Variants in CDK14 observed in about 807,000 individuals in gnomAD.
The protein encoded by CDK14 is cyclin-dependent kinase 14.
In CDK14, 34 loss-of-function variants were observed where a neutral mutation model predicts 60.7. The observed-to-expected ratio is 0.56, with a 90% CI of 0.43 to 0.75. The LOEUF is 0.75. Among genes scored for constraint, CDK14 ranks in the 30% least tolerant of loss-of-function variants. CDK14 has a pLI of 0.00. For missense variants in CDK14, 482 were observed against 564.1 expected, an observed-to-expected ratio of 0.85 and a Z score of 1.47; for synonymous variants, 197 against 203.7, an observed-to-expected ratio of 0.97 and a Z score of 0.28.
intron 4 of CDK14, among the ~76,000 whole-genome samples, chr7:90,755,709 A>G (rs976372703): frequency 5.9e-5 from 9 of 152,238 alleles, no homozygotes; most frequent in Non-Finnish European, 1.3e-4. Context: ...AGGACTGTTA[A>G]TAACCATATT....
At chr7:91,004,466 G>T (rs942653291) in intron 10 of CDK14, among the ~76,000 whole-genome samples, 4 of 152,218 alleles carry the variant, frequency 2.6e-5, no homozygotes, top group African/African-American at 7.2e-5. Flanking sequence ...TGGTATTGGT[G>T]AGGGGCATTT....
intron 4 of CDK14, among the ~76,000 whole-genome samples, chr7:90,770,774 T>A (rs571553373): frequency 6.6e-6 from 1 of 152,342 alleles, no homozygotes; most frequent in South Asian, 2.1e-4. Context: ...TTGACATGCC[T>A]ACAACTGATC....
chr7:91,023,028 G>A (rs146015888), intron 10 of CDK14, among the ~76,000 whole-genome samples: 12 of 145,318 alleles, frequency 8.3e-5, no homozygotes, highest in South Asian at 4.3e-4. Context: ...TTTTTTTTTC[G>A]TCTAATGAAA....
chr7:91,098,548 G>A (rs1008074955), intron 12 of CDK14, among the ~76,000 whole-genome samples: 2 of 151,092 alleles, frequency 1.3e-5, no homozygotes, highest in Admixed American at 1.3e-4. Flanking sequence ...AGAAATAAAG[G>A]CAAAAAGAGA....
intron 2 of CDK14, among the ~76,000 whole-genome samples, chr7:90,667,089 A>G (rs1231184736): frequency 2.0e-5 from 3 of 152,330 alleles, no homozygotes; most frequent in Non-Finnish European, 4.4e-5. Context: ...CATAATAGGT[A>G]TAAATAATTT....
At chr7:90,854,958 T>G (rs548543445) in intron 5 of CDK14, among the ~76,000 whole-genome samples, 1 of 152,298 alleles carries the variant, frequency 6.6e-6, no homozygotes, top group East Asian at 1.9e-4. Flanking sequence ...TGTTTGCATT[T>G]AAGAAGAGCC....
At chr7:91,104,953 A>G (rs552291099) in intron 12 of CDK14, among the ~76,000 whole-genome samples, 1 of 152,216 alleles carries the variant, frequency 6.6e-6, no homozygotes, top group Non-Finnish European at 1.5e-5. Flanking sequence ...AATTATAAGC[A>G]TAGATGATTT....
chr7:90,939,442 G>A (rs1793849571), intron 8 of CDK14, among the ~76,000 whole-genome samples: 1 of 152,180 alleles, frequency 6.6e-6, no homozygotes, highest in Non-Finnish European at 1.5e-5. Context: ...AATACAGCAT[G>A]TGTAAAGTTT....
At chr7:91,161,400 A>G (rs1801164731) in intron 14 of CDK14, among the ~76,000 whole-genome samples, 1 of 152,238 alleles carries the variant, frequency 6.6e-6, no homozygotes, top group Admixed American at 6.5e-5. Context: ...AATTCACAGT[A>G]TATCCTGAGA....
At chr7:91,012,479 C>T (rs1281870008) in intron 10 of CDK14, among the ~76,000 whole-genome samples, 1 of 152,140 alleles carries the variant, frequency 6.6e-6, no homozygotes, top group East Asian at 1.9e-4. Context: ...CTTAGCCTTC[C>T]TGGACTTCCA....
At chr7:91,123,634 T>C (rs1799851011) in intron 14 of CDK14, among the ~76,000 whole-genome samples, 1 of 152,052 alleles carries the variant, frequency 6.6e-6, no homozygotes, top group Non-Finnish European at 1.5e-5. Context: ...TTACCTTAGC[T>C]TCCTGTCTAC....
chr7:90,757,273 T>C (rs1431607149), intron 4 of CDK14, among the ~76,000 whole-genome samples: 2 of 150,958 alleles, frequency 1.3e-5, no homozygotes, highest in Admixed American at 1.3e-4. Context: ...TGTGTCCAAG[T>C]TTTCCCTTTC....
rs1430441528 is a variant in CDK14 at position 90,818,825 on chromosome 7, TA to T, written c.544+28177del. Among the ~76,000 whole-genome samples, 5 of 152,230 alleles carry T rather than the reference TA, an allele frequency of 3.3e-5. No homozygotes were observed. In the East Asian group the frequency reaches 7.7e-4, roughly 24 times the overall value. ...ATATGTTTTCAGTAAAACAAAATCT[TA>T]AAACCCACAAAGAGCAAATGACCAA... On this transcript the variant is annotated intron_variant, in intron 5 of 14. Transcript: ENST00000380050.
intron 4 of CDK14, among the ~76,000 whole-genome samples, chr7:90,773,046 T>C (rs553850977): frequency 6.6e-6 from 1 of 152,340 alleles, no homozygotes; most frequent in African/African-American, 2.4e-5. Context: ...TAGGACTTAT[T>C]AATGTCATTC....
chr7:90,687,365 T>A (rs1312009783), intron 2 of CDK14, among the ~76,000 whole-genome samples: 1 of 152,056 alleles, frequency 6.6e-6, no homozygotes, highest in East Asian at 1.9e-4. Context: ...AAGAAGCAGG[T>A]CTGAACTTCT....
At chr7:90,771,587 A>C (rs116112612) in intron 4 of CDK14, among the ~76,000 whole-genome samples, 1 of 152,218 alleles carries the variant, frequency 6.6e-6, no homozygotes, top group Non-Finnish European at 1.5e-5. Context: ...TGGGCTTAGA[A>C]TGGTCAAATA....
At chr7:90,663,911 T>C (rs1800916329) in intron 2 of CDK14, among the ~76,000 whole-genome samples, 1 of 152,132 alleles carries the variant, frequency 6.6e-6, no homozygotes, top group Non-Finnish European at 1.5e-5. Context: ...AAATTGTTGT[T>C]TTTTTTTCTG....
chr7:90,737,822 G>A (rs1803183887), intron 3 of CDK14, among the ~76,000 whole-genome samples: 1 of 152,164 alleles, frequency 6.6e-6, no homozygotes, highest in Non-Finnish European at 1.5e-5. Flanking sequence ...ACAGTATAAT[G>A]TGCTGGAGAA....
At chr7:90,694,301 A>G (rs963822585) in intron 2 of CDK14, among the ~76,000 whole-genome samples, 6 of 152,212 alleles carry the variant, frequency 3.9e-5, no homozygotes, top group African/African-American at 1.4e-4. Flanking sequence ...AAAGAGGAAT[A>G]GAAGGCAAAT....
Sources: allele counts gnomAD v4.1 joint callset (sites outside exome capture counted in the v4.1 genomes callset), GRCh38; gene constraint gnomAD v4.1.1; transcripts MANE v1.5; gene names NCBI Gene and HGNC (gene_info 2026-07-23, HGNC 2026-07-21).